Variants in PPARGC1A observed in about 807,000 individuals in gnomAD.
The protein encoded by PPARGC1A is peroxisome proliferator-activated receptor gamma coactivator 1-alpha.
Under a neutral mutation model 88.7 loss-of-function variants are expected in PPARGC1A, and 25 were observed. The ratio of observed to expected loss-of-function variants is 0.28; its 90% confidence interval spans 0.21 to 0.39. The LOEUF (loss-of-function observed/expected upper bound fraction) is 0.39, where lower values mean the gene tolerates loss of function less well. Among genes scored for constraint, PPARGC1A ranks in the 10% least tolerant of loss-of-function variants. The probability of loss-of-function intolerance (pLI) is 1.00; values close to 1 mark genes in which losing one functional copy is unlikely to be tolerated. For missense variants in PPARGC1A, 880 were observed against 968.7 expected, an observed-to-expected ratio of 0.91 and a Z score of 1.22; for synonymous variants, 363 against 355.6, an observed-to-expected ratio of 1.02 and a Z score of -0.24.
chr4:24,115,433 C>T, the PPARGC1A span, among the ~76,000 whole-genome samples: 1 of 151,990 alleles, frequency 6.6e-6, no homozygotes, highest in African/African-American at 2.4e-5. Flanking sequence ...AATCCCATGG[C>T]TTGGAAAAAA....
the PPARGC1A span, among the ~76,000 whole-genome samples, chr4:24,141,754 G>C: frequency 6.6e-6 from 1 of 152,172 alleles, no homozygotes. Flanking sequence ...GCTGCATTTG[G>C]ACTCTGGAGA....
intron 2 of PPARGC1A, among the ~76,000 whole-genome samples, chr4:23,839,434 G>A (rs551577921): frequency 2.0e-5 from 3 of 152,238 alleles, no homozygotes; most frequent in African/African-American, 7.2e-5. Flanking sequence ...GGCCTGAAAA[G>A]AGCGAGCAAG....
At chr4:24,133,150 C>G in the PPARGC1A span, among the ~76,000 whole-genome samples, 7 of 152,216 alleles carry the variant, frequency 4.6e-5, no homozygotes, top group East Asian at 1.4e-3. Context: ...GGCCCTAGCA[C>G]CCTTTATTCT....
the PPARGC1A span, among the ~76,000 whole-genome samples, chr4:24,051,363 A>T: frequency 4.6e-5 from 7 of 152,208 alleles, no homozygotes; most frequent in African/African-American, 9.6e-5. Flanking sequence ...ACACATTTTA[A>T]AAAAGCTATA....
the PPARGC1A span, among the ~76,000 whole-genome samples, chr4:24,249,560 C>T: frequency 6.6e-6 from 1 of 152,154 alleles, no homozygotes; most frequent in Non-Finnish European, 1.5e-5. Context: ...TCTCTGTTTA[C>T]AGTCAGAGAA....
chr4:24,063,077 C>G, the PPARGC1A span, among the ~76,000 whole-genome samples: 2 of 152,112 alleles, frequency 1.3e-5, no homozygotes, highest in Non-Finnish European at 2.9e-5. Context: ...GACTGAGAGT[C>G]TTTTTGTTGT....
chr4:24,161,770 T>A, the PPARGC1A span, among the ~76,000 whole-genome samples: 1 of 152,006 alleles, frequency 6.6e-6, no homozygotes, highest in Non-Finnish European at 1.5e-5. Flanking sequence ...CTTCACTGAG[T>A]GCTAGCCACT....
the PPARGC1A span, among the ~76,000 whole-genome samples, chr4:23,974,799 ATTTTTTT>A: frequency 2.3e-4 from 14 of 61,128 alleles, no homozygotes; most frequent in South Asian, 1.2e-3. Context: ...GGCCCGGCTA[ATTTTTTT>A]TTTTTTTTTT....
the PPARGC1A span, among the ~76,000 whole-genome samples, chr4:24,387,818 A>AAGAAAGAAAGAAAGAG: frequency 2.3e-4 from 19 of 81,078 alleles, no homozygotes; most frequent in African/African-American, 8.2e-4. Context: ...GAAAGAAAGA[A>AAGAAAGAAAGAAAGAG]AGAAAGAGAG....
At chr4:24,127,293 G>A in the PPARGC1A span, among the ~76,000 whole-genome samples, 2 of 151,814 alleles carry the variant, frequency 1.3e-5, no homozygotes, top group Admixed American at 6.6e-5. Context: ...CCAACTGCCC[G>A]CACTTAGAAA....
chr4:24,307,598 C>T, the PPARGC1A span, among the ~76,000 whole-genome samples: 1 of 152,084 alleles, frequency 6.6e-6, no homozygotes, highest in African/African-American at 2.4e-5. Flanking sequence ...GTTAAGAGTC[C>T]TTGTGAAGCA....
rs1265026069 is a variant in PPARGC1A, at chr4:23,814,043, C to T, written c.1440G>A (p.Lys480=). Residue 480 remains lysine (K), a synonymous_variant, in exon 8 of 13, where the codon AAG becomes AAA. Coordinates refer to ENST00000264867, the MANE Select transcript of PPARGC1A (RefSeq NM_013261.5). ...AATCACTGTCCCTCAGTTCACCGGT[C>T]TTGTCTGCTTCGTCGTCAAAAACAG... is the stretch of plus-strand genomic sequence containing the variant. ...SQAVFDDEAD[K]TGELRDSDFS... is the part of the protein sequence containing the mutation. 2.5e-6 allele frequency: 4 copies of T among 1,614,034 alleles called. No individual in the cohort carries two copies.
the PPARGC1A span, among the ~76,000 whole-genome samples, chr4:24,116,235 T>C: frequency 6.6e-6 from 1 of 152,370 alleles, no homozygotes; most frequent in African/African-American, 2.4e-5. Flanking sequence ...TCTTTCATTC[T>C]GTCAACAAAT....
chr4:23,896,230 G>A (rs774630650), intron 1 of PPARGC1A, among the ~76,000 whole-genome samples: 6 of 151,938 alleles, frequency 3.9e-5, no homozygotes, highest in Non-Finnish European at 7.4e-5. Flanking sequence ...GTTCCTTTAT[G>A]TGAATGTGCC....
At chr4:24,085,239 C>G in the PPARGC1A span, among the ~76,000 whole-genome samples, 418 of 152,130 alleles carry the variant, frequency 2.7e-3, 5 homozygotes, top group East Asian at 0.052. Context: ...AGAGAGTACA[C>G]AAATCTATAT....
intron 2 of PPARGC1A, among the ~76,000 whole-genome samples, chr4:23,836,648 C>G (rs1726073706): frequency 6.6e-6 from 1 of 152,160 alleles, no homozygotes; most frequent in Non-Finnish European, 1.5e-5. Context: ...CCTCTATGAC[C>G]TGTACTAGTC....
At chr4:24,376,851 T>A in the PPARGC1A span, among the ~76,000 whole-genome samples, 2 of 152,182 alleles carry the variant, frequency 1.3e-5, no homozygotes, top group Middle Eastern at 6.3e-3. Context: ...AGGTTAAGGA[T>A]ACCCCTTTCA....
chr4:23,885,433 G>T (rs1716706788), intron 1 of PPARGC1A, among the ~76,000 whole-genome samples: 1 of 152,128 alleles, frequency 6.6e-6, no homozygotes, highest in Non-Finnish European at 1.5e-5. Context: ...CTCCTTTTAA[G>T]CATTATAATC....
At chr4:23,911,400 C>A in the PPARGC1A span, among the ~76,000 whole-genome samples, 1 of 152,146 alleles carries the variant, frequency 6.6e-6, no homozygotes, top group Admixed American at 6.5e-5. Context: ...GGCAGCGATG[C>A]GAACACAAAT....
Sources: gnomAD v4.1 joint callset for allele counts (sites outside exome capture counted in the v4.1 genomes callset) on GRCh38, gnomAD v4.1.1 for gene constraint, MANE v1.5 for transcripts, NCBI Gene and HGNC (gene_info 2026-07-23, HGNC 2026-07-21) for gene names.